The following USP47 variants were observed in gnomAD, a reference collection of about 807,000 sequenced individuals.
The protein encoded by USP47 is ubiquitin carboxyl-terminal hydrolase 47.
USP47 carries 35 observed loss-of-function variants against 165.1 expected under a neutral mutation model. That is an observed-to-expected ratio of 0.21 (90% confidence interval 0.16 to 0.28). The LOEUF (loss-of-function observed/expected upper bound fraction) is 0.28. Ranked by LOEUF, USP47 falls within the 10% of genes least tolerant of loss-of-function variation. The pLI, the probability that USP47 is intolerant of heterozygous loss-of-function variation, is 1.00. For missense variants in USP47, 1,277 were observed against 1,607.4 expected, an observed-to-expected ratio of 0.79 and a Z score of 3.52; for synonymous variants, 531 against 544.5, an observed-to-expected ratio of 0.98 and a Z score of 0.35.
intron 3 of USP47, 187 bp downstream of exon 3, chr11:11,884,767 C>T (rs971717561): frequency 5.9e-6 from 3 of 506,690 alleles, no homozygotes; most frequent in African/African-American, 5.8e-5. Flanking sequence ...TCCACAGCAA[C>T]ATTATTTGTG....
At position 11,955,053 on chromosome 11, in the gene USP47, G is replaced by A; in HGVS notation, c.3782G>A (p.Cys1261Tyr). Residue 1261 changes from cysteine (C) to tyrosine (Y), a missense_variant, in exon 27 of 28, where the codon TGT (cysteine) becomes TAT (tyrosine). This residue lies in a region of USP47 where 909 missense variants were observed against 1,068.1 expected (regional missense o/e 0.85). Transcript: ENST00000527733. Reference sequence around the variant, plus strand: ...TTTTAGGGTAGAGGAACATTTCCCTGTGATATTTCTGTCCTTGATATTCAT... The same window carrying A: ...TTTTAGGGTAGAGGAACATTTCCCTATGATATTTCTGTCCTTGATATTCAT... ...EFAKGRGTFP[C>Y]DISVLDIHQD... is the part of the protein sequence containing the mutation. 1 of 1,613,518 alleles carries A rather than the reference G, an allele frequency of 6.2e-7. No individual in the cohort carries two copies. The highest frequency in any genetic ancestry group is 8.5e-7 in the Non-Finnish European group (1 of 1,179,850).
intron 17 of USP47, among the ~76,000 whole-genome samples, chr11:11,937,544 A>G (rs1332431433): frequency 6.6e-6 from 1 of 150,534 alleles, no homozygotes; most frequent in Non-Finnish European, 1.5e-5. Flanking sequence ...TACCCTATCT[A>G]TAAAGAGTCC....
intron 11 of USP47, 99 bp from the exon 12 acceptor site, chr11:11,929,335 A>G: frequency 6.7e-7 from 1 of 1,483,152 alleles, no homozygotes; most frequent in South Asian, 1.4e-5. Flanking sequence ...AGGACAACTT[A>G]CCATGTTACT....
chr11:11,889,787 G>T (rs1388611497), intron 3 of USP47, among the ~76,000 whole-genome samples: 1 of 152,098 alleles, frequency 6.6e-6, no homozygotes, highest in Non-Finnish European at 1.5e-5. Context: ...AAGGCATCAT[G>T]CTACCCAAGT....
At chr11:11,853,506 T>A (rs1231138953) in intron 1 of USP47, among the ~76,000 whole-genome samples, 1 of 152,194 alleles carries the variant, frequency 6.6e-6, no homozygotes, top group African/African-American at 2.4e-5. Flanking sequence ...TCTTAAAGAA[T>A]ATGTGTTTTC....
At chr11:11,924,908 A>C (rs1450744427) in intron 11 of USP47, among the ~76,000 whole-genome samples, 1 of 151,838 alleles carries the variant, frequency 6.6e-6, no homozygotes, top group East Asian at 1.9e-4. Context: ...TTTTCTTCCA[A>C]AGGACCAGCT....
At position 11,842,194 on chromosome 11, in the gene USP47, C is replaced by G. The variant is rs997324569; in HGVS notation, c.9C>G (p.Pro3=). 4 of 1,553,790 alleles carry G rather than the reference C, an allele frequency of 2.6e-6. No homozygotes were observed. The highest frequency in any genetic ancestry group is 1.4e-5 in the African/African-American group (1 of 73,338). The part of the protein sequence containing the change: MV[P]GEENQLVPKE... ...AGCGGCCGGAGTCAGCGATGGTGCC[C>G]GGCGAGGAGAACCAACTGGTCCCGA... Residue 3 remains proline, a synonymous_variant, in exon 1 of 28, where the codon CCC becomes CCG. Transcript: ENST00000527733.
intron 2 of USP47, among the ~76,000 whole-genome samples, chr11:11,880,820 T>C (rs1850777115): frequency 6.6e-6 from 1 of 152,162 alleles, no homozygotes; most frequent in Non-Finnish European, 1.5e-5. Context: ...TTAACCAAGA[T>C]TATCTCTAGC....
In USP47 at chr11:11,958,084, G is replaced by A. The variant is rs1847287808; in HGVS notation, c.*1909G>A. ...CAGGCCTGCTTACTTGGGATGTAGG[G>A]TTAGTAAATGGGGTTTCTGCTTTAA... On this transcript the variant is annotated 3_prime_UTR_variant, in exon 28 of 28. Transcript: ENST00000527733. The A allele has an allele frequency of 6.6e-6, 1 of 152,230 alleles. No individual in the cohort carries two copies. Among genetic ancestry groups the A allele is most frequent in the Non-Finnish European group, 1.5e-5 (1 of 68,036 alleles). The allele number at this position is 152,230 out of a possible 1,614,324, so 9.4% of individuals were successfully genotyped here.
At chr11:11,875,077 G>GTGTT (rs1564859590) in intron 1 of USP47, among the ~76,000 whole-genome samples, 11 of 75,004 alleles carry the variant, frequency 1.5e-4, no homozygotes, top group South Asian at 4.0e-4. Context: ...GTGTGTGTGT[G>GTGTT]TGTGTTTAAA....
chr11:11,931,105 C>A (rs1854632781), intron 14 of USP47, among the ~76,000 whole-genome samples: 1 of 151,934 alleles, frequency 6.6e-6, no homozygotes, highest in Non-Finnish European at 1.5e-5. Context: ...CTGACTCAGG[C>A]TGTATTACAA....
At chr11:11,941,328 G>C (rs747517867) in intron 19 of USP47, among the ~76,000 whole-genome samples, 2 of 53,720 alleles carry the variant, frequency 3.7e-5, no homozygotes, top group African/African-American at 3.0e-4. Flanking sequence ...AGGGTAAGAA[G>C]TGCAGTAGGG....
chr11:11,910,423 A>G (rs901223706), intron 8 of USP47, among the ~76,000 whole-genome samples: 18 of 152,164 alleles, frequency 1.2e-4, no homozygotes, highest in African/African-American at 4.1e-4. Flanking sequence ...GAAAACTTTT[A>G]GACCATAACT....
chr11:11,908,150 T>G (rs1212752832), intron 8 of USP47, among the ~76,000 whole-genome samples: 1 of 152,212 alleles, frequency 6.6e-6, no homozygotes, highest in Non-Finnish European at 1.5e-5. Context: ...TGCACGCACA[T>G]GTACACACTG....
chr11:11,934,657 G>T (rs1053452828), intron 16 of USP47, among the ~76,000 whole-genome samples: 2 of 152,206 alleles, frequency 1.3e-5, no homozygotes, highest in African/African-American at 4.8e-5. Flanking sequence ...TTTTGAGTGA[G>T]CACAGAGTAC....
At chr11:11,930,169 G>C (rs1436871012) in intron 13 of USP47, 49 bp downstream of exon 13, 3 of 1,497,672 alleles carry the variant, frequency 2.0e-6, no homozygotes, top group African/African-American at 2.8e-5. Context: ...ATTAATTATA[G>C]CTTCTCAGTG....
rs1477690459 is a variant in USP47, at chr11:11,854,277, A to G, written c.39+12053A>G. 2.0e-5 allele frequency among the ~76,000 whole-genome samples: 3 copies of G among 146,834 alleles called. 1 individual carries two copies. Among genetic ancestry groups the G allele is most frequent in the Non-Finnish European group, 3.1e-5 (2 of 65,552 alleles). On this transcript the variant is annotated intron_variant, in intron 1 of 27. Transcript: ENST00000527733. ...AAATTCTGCTTCTTTATTATAAGTT[A>G]TTTGTTATTTCAGTTAATACCTTCT...
Position 11,930,116 on chromosome 11 carries a change from G to T in USP47, c.1591G>T (p.Ala531Ser), listed in dbSNP as rs748376036. 6.2e-6 allele frequency: 10 copies of T among 1,610,664 alleles called. No individual in the cohort carries two copies. In the East Asian group the frequency reaches 2.0e-4, roughly 32 times the overall value. The change falls in exon 13 of 28, where the codon GCA becomes TCA. Residue 531 changes from alanine to serine, a missense_variant. Around this residue, in one of 4 missense-constraint regions of USP47, gnomAD observed 909 missense variants for 1,068.1 expected, o/e 0.85. Transcript: ENST00000527733. ...GSRGYYSSAF[A>S]SSTNAYMLIY... ...CAGAGGATATTATTCTAGTGCTTTC[G>T]CAAGGTAAGCAATTTCCTAATTTTC...
intron 1 of USP47, among the ~76,000 whole-genome samples, chr11:11,850,944 A>G (rs1234877129): frequency 6.6e-6 from 1 of 152,200 alleles, no homozygotes; most frequent in African/African-American, 2.4e-5. Context: ...TTACAAGGGC[A>G]CTAATCTCAT....
Sources: allele counts gnomAD v4.1 joint callset (sites outside exome capture counted in the v4.1 genomes callset), GRCh38; gene constraint gnomAD v4.1.1; regional missense constraint gnomAD v4.1.1; transcripts MANE v1.5; gene names NCBI Gene and HGNC (gene_info 2026-07-23, HGNC 2026-07-21).